DLG2: variants seen among roughly 807,000 people sequenced by gnomAD.
The protein encoded by DLG2 is discs large MAGUK scaffold protein 2, also known as disks large homolog 2.
DLG2 carries 45 observed loss-of-function variants against 132.5 expected under a neutral mutation model. The ratio of observed to expected loss-of-function variants is 0.34; its 90% CI spans 0.27 to 0.44. The LOEUF (loss-of-function observed/expected upper bound fraction) is 0.44, where lower values mean the gene tolerates loss of function less well. Among genes scored for constraint, DLG2 ranks in the 20% least tolerant of loss-of-function variants. The pLI is 1.00. For synonymous variants in DLG2, 424 were observed against 419.6 expected, an observed-to-expected ratio of 1.01 and a Z score of -0.13; for missense variants, 1,045 against 1,196.9, an observed-to-expected ratio of 0.87 and a Z score of 1.87.
chr11:83,520,756 T>G (rs2095458597), intron 21 of DLG2, among the ~76,000 whole-genome samples: 1 of 143,866 alleles, frequency 7.0e-6, no homozygotes, highest in Non-Finnish European at 1.5e-5. Flanking sequence ...TACACATGGA[T>G]GTTTTTCTTG....
intron 14 of DLG2, among the ~76,000 whole-genome samples, chr11:83,961,130 C>G (rs907551236): frequency 6.6e-6 from 1 of 152,038 alleles, no homozygotes; most frequent in African/African-American, 2.4e-5. Context: ...GTGCCAGGCA[C>G]CTTTCTAAGT....
intron 6 of DLG2, among the ~76,000 whole-genome samples, chr11:84,888,294 G>T (rs1332638644): frequency 6.6e-6 from 1 of 152,082 alleles, no homozygotes; most frequent in African/African-American, 2.4e-5. Flanking sequence ...TTATCCAATC[G>T]ATTCAGGGTC....
chr11:85,511,385 A>T lies in DLG2; in HGVS notation c.40+87272T>A, dbSNP rs191936483. On this transcript the variant is annotated intron_variant, in intron 3 of 27. Coordinates refer to ENST00000376104, the MANE Select transcript of DLG2 (RefSeq NM_001142699.3). ...CTTAAAGTATAATAATAATAAAATT[A>T]AAAAAAGAAATATGTCTTAATCCTA... 5.5e-3 allele frequency among the ~76,000 whole-genome samples: 833 copies of T among 152,172 alleles called. 9 individuals are homozygous for T. Among genetic ancestry groups the T allele is most frequent in the African/African-American group, 0.018 (764 of 41,542 alleles).
At chr11:85,237,763 C>G (rs1420836120) in intron 4 of DLG2, among the ~76,000 whole-genome samples, 1 of 151,920 alleles carries the variant, frequency 6.6e-6, no homozygotes, top group Non-Finnish European at 1.5e-5. Context: ...AAAGGCAGAC[C>G]CTTACTGGCA....
intron 6 of DLG2, among the ~76,000 whole-genome samples, chr11:84,549,750 CT>C (rs1169914612): frequency 1.3e-5 from 2 of 152,026 alleles, no homozygotes; most frequent in Admixed American, 6.6e-5. Flanking sequence ...TCCTATTTCT[CT>C]TTTTTTGTTT....
At chr11:84,430,516 TA>T (rs2098981200) in intron 7 of DLG2, among the ~76,000 whole-genome samples, 2 of 151,240 alleles carry the variant, frequency 1.3e-5, no homozygotes, top group African/African-American at 4.9e-5. Flanking sequence ...TAGTAAGAAT[TA>T]AATGAGATGG....
chr11:84,411,769 G>T (rs1305607443), intron 7 of DLG2, among the ~76,000 whole-genome samples: 1 of 152,148 alleles, frequency 6.6e-6, no homozygotes, highest in Non-Finnish European at 1.5e-5. Flanking sequence ...TGCATTTCAA[G>T]TATCATTATC....
chr11:84,267,489 A>G (rs2097656234), intron 7 of DLG2, among the ~76,000 whole-genome samples: 1 of 152,178 alleles, frequency 6.6e-6, no homozygotes, highest in African/African-American at 2.4e-5. Flanking sequence ...CTGTACCACT[A>G]GTCACTAACT....
chr11:84,222,963 T>C (rs1438053639), intron 8 of DLG2, among the ~76,000 whole-genome samples: 6 of 152,238 alleles, frequency 3.9e-5, no homozygotes, highest in Admixed American at 2.6e-4. Flanking sequence ...AAACTCATCA[T>C]GTTTGCATAA....
chr11:83,974,700 C>T (rs1420447809), intron 12 of DLG2, among the ~76,000 whole-genome samples: 1 of 151,958 alleles, frequency 6.6e-6, no homozygotes, highest in Non-Finnish European at 1.5e-5. Flanking sequence ...TTTGGAAATA[C>T]CAATCTAATA....
Position 83,484,366 on chromosome 11 carries a change from A to C in DLG2, c.2194-138T>G. ...GGATAATTCTAAAGTGGTGCCAGAG[A>C]GTTCTAAAGGTCGATTTTATTTTCA... is the stretch of plus-strand genomic sequence containing the variant. On this transcript the variant is annotated intron_variant, in intron 21 of 27. Coordinates refer to ENST00000376104, the MANE Select transcript of DLG2 (RefSeq NM_001142699.3). 3 of 633,676 alleles carry C rather than the reference A, an allele frequency of 4.7e-6. No homozygotes were observed. The South Asian group carries it at 6.1e-5, about 13-fold the overall frequency. The allele number at this position is 633,676 out of a possible 1,614,324, so 39.3% of individuals were successfully genotyped here.
intron 8 of DLG2, among the ~76,000 whole-genome samples, chr11:84,173,632 T>C (rs768700660): frequency 4.6e-5 from 7 of 152,230 alleles, no homozygotes; most frequent in Non-Finnish European, 7.3e-5. Flanking sequence ...AATATGACTG[T>C]AGCATGAGGG....
intron 6 of DLG2, among the ~76,000 whole-genome samples, chr11:84,928,982 G>GTGTGTGTGTGTA (rs1400906684): frequency 7.7e-4 from 38 of 49,116 alleles, no homozygotes; most frequent in African/African-American, 9.9e-4. Context: ...GTGTGTGTGT[G>GTGTGTGTGTGTA]TATATATATA....
At chr11:84,699,017 A>G (rs1029998769) in intron 6 of DLG2, among the ~76,000 whole-genome samples, 3 of 151,506 alleles carry the variant, frequency 2.0e-5, no homozygotes, top group African/African-American at 7.3e-5. Context: ...ATCCATTACA[A>G]TTGTCTGCTT....
chr11:84,833,844 G>T (rs914329439), intron 6 of DLG2, among the ~76,000 whole-genome samples: 16 of 151,746 alleles, frequency 1.1e-4, no homozygotes, highest in African/African-American at 3.9e-4. Flanking sequence ...AAGTCAAGTG[G>T]CATTTCTGGA....
intron 6 of DLG2, among the ~76,000 whole-genome samples, chr11:84,583,458 C>A (rs538048575): frequency 6.6e-6 from 1 of 152,322 alleles, no homozygotes; most frequent in East Asian, 1.9e-4. Context: ...TTACAAGGTC[C>A]ATTTTTGTTT....
chr11:84,574,189 G>A (rs1481530523), intron 6 of DLG2, among the ~76,000 whole-genome samples: 4 of 152,048 alleles, frequency 2.6e-5, no homozygotes, highest in African/African-American at 4.8e-5. Context: ...TGGGATTCAC[G>A]AAAAGGCAGA....
intron 6 of DLG2, among the ~76,000 whole-genome samples, chr11:84,966,745 G>C (rs1465982389): frequency 6.6e-6 from 1 of 152,106 alleles, no homozygotes; most frequent in East Asian, 1.9e-4. Context: ...ATAAGTGAAG[G>C]ATATAAAATC....
intron 9 of DLG2, among the ~76,000 whole-genome samples, chr11:84,154,322 A>C (rs918412508): frequency 1.3e-5 from 2 of 152,192 alleles, no homozygotes. Context: ...ATACAAAAGT[A>C]ATACATGCTT....
Sources: allele counts gnomAD v4.1 joint callset (sites outside exome capture counted in the v4.1 genomes callset), GRCh38; gene constraint gnomAD v4.1.1; transcripts MANE v1.5; gene names NCBI Gene and HGNC (gene_info 2026-07-23, HGNC 2026-07-21).